Variants in OTULINL observed in about 807,000 individuals in gnomAD.
OTULINL encodes the protein OTU deubiquitinase with linear linkage specificity like.
A neutral mutation model predicts 43.9 loss-of-function variants in OTULINL; 42 were observed. The ratio of observed to expected loss-of-function variants is 0.96; its 90% CI spans 0.75 to 1.24. The LOEUF is 1.24. Ranked by LOEUF, OTULINL falls within the 50% of genes most tolerant of loss-of-function variation. The pLI, the probability that OTULINL is intolerant of heterozygous loss-of-function variation, is 0.00. For missense variants in OTULINL, 411 were observed against 426.4 expected, an observed-to-expected ratio of 0.96 and a Z score of 0.32; for synonymous variants, 172 against 153.6, an observed-to-expected ratio of 1.12 and a Z score of -0.88.
intron 1 of OTULINL, among the ~76,000 whole-genome samples, chr5:14,592,676 A>G (rs948905039): frequency 6.6e-6 from 1 of 152,214 alleles, no homozygotes; most frequent in Non-Finnish European, 1.5e-5. Context: ...AGCCCAAAGC[A>G]TTCTGCAATC....
intron 1 of OTULINL, among the ~76,000 whole-genome samples, chr5:14,597,597 A>G (rs1485398632): frequency 1.3e-5 from 2 of 152,354 alleles, no homozygotes; most frequent in South Asian, 2.1e-4. Flanking sequence ...TGGTGAAGTC[A>G]TACTCTTTCC....
At position 14,610,666 on chromosome 5, in the gene OTULINL, GAGAA is replaced by G. The variant is rs200306857; in HGVS notation, c.*357_*360del. 5.6e-3 allele frequency: 962 copies of G among 170,886 alleles called. 4 individuals carry two copies. Among genetic ancestry groups the G allele is most frequent in the African/African-American group, 0.021 (889 of 42,464 alleles). 10.6% of individuals were successfully genotyped at this position (170,886 alleles called of 1,614,324 possible). On this transcript the variant is annotated 3_prime_UTR_variant, in exon 8 of 8. Coordinates refer to ENST00000274217, the MANE Select transcript of OTULINL (RefSeq NM_019018.3). ...AGTAGGGAAAAACAGCTAACCTGGA[GAGAA>G]AGAATTTCTTTAACCTTTATGTTCT...
chr5:14,592,726 C>CAG (rs1164315036), intron 1 of OTULINL, among the ~76,000 whole-genome samples: 2 of 152,200 alleles, frequency 1.3e-5, no homozygotes, highest in African/African-American at 4.8e-5. Context: ...GAAGAGGAAT[C>CAG]AGACTGGTTC....
In OTULINL at chr5:14,602,200, T is replaced by G; in HGVS notation, c.366T>G (p.Phe122Leu). The G allele has an allele frequency of 6.2e-7, 1 of 1,607,402 alleles. No homozygotes were observed. The highest frequency in any genetic ancestry group is 8.5e-7 in the Non-Finnish European group (1 of 1,177,144). Residue 122 changes from phenylalanine to leucine, a missense_variant, in exon 5 of 8, where the codon TTT becomes TTG. Phe to Leu is a conservative substitution (Grantham distance 22). Transcript: ENST00000274217. Reference sequence around the variant, plus strand: ...TTTATTAGGCTTATGAGGAGCTATTTTGGCGGCATCACATTAAATGTGTTC... The same window carrying G: ...TTTATTAGGCTTATGAGGAGCTATTGTGGCGGCATCACATTAAATGTGTTC... ...KLMRKAYEEL[F>L]WRHHIKCVRQ...
At chr5:14,582,657 T>C (rs1257964669) in intron 1 of OTULINL, among the ~76,000 whole-genome samples, 1 of 151,316 alleles carries the variant, frequency 6.6e-6, no homozygotes, top group South Asian at 2.1e-4. Flanking sequence ...CTACTAAAAA[T>C]ACAAAAAATT....
intron 6 of OTULINL, 79 bp from the exon 7 acceptor site, chr5:14,608,669 A>G (rs752845571): frequency 5.5e-5 from 62 of 1,134,246 alleles, no homozygotes; most frequent in Non-Finnish European, 7.6e-5. Context: ...GGTTTATTTT[A>G]TAAATACATT....
At chr5:14,587,408 T>A (rs1759125701) in intron 1 of OTULINL, among the ~76,000 whole-genome samples, 2 of 152,224 alleles carry the variant, frequency 1.3e-5, no homozygotes, top group Admixed American at 6.5e-5. Flanking sequence ...AGTCACTGTC[T>A]AGATAGGAAG....
In OTULINL at chr5:14,614,821, G is replaced by C; in HGVS notation, c.*4507G>C. ...ATAATCCTAGCTGGTGTCTCGTTCT[G>C]TTTAAAAAAATCAAATTTCTGTATG... On this transcript the variant is annotated 3_prime_UTR_variant, in exon 8 of 8. Coordinates refer to ENST00000274217, the MANE Select transcript of OTULINL (RefSeq NM_019018.3). 2.5e-6 allele frequency: 1 copy of C among 398,308 alleles called. No individual in the cohort carries two copies. Among genetic ancestry groups the C allele is most frequent in the Non-Finnish European group, 4.4e-6 (1 of 226,002 alleles). The allele number at this position is 398,308 out of a possible 1,614,324, so 24.7% of individuals were successfully genotyped here. A position where few individuals can be genotyped will look rare whatever the true frequency, so the allele number is the denominator to read the frequency against.
Position 14,615,380 on chromosome 5 carries a change from C to T in OTULINL, c.*5066C>T, listed in dbSNP as rs1008460286. ...ATGTACCTGGACTTCCTTTGGGTGC[C>T]GGCTTTTCTGCTGGACTAAGATTCA... On this transcript the variant is annotated 3_prime_UTR_variant, in exon 8 of 8. Transcript: ENST00000274217. Among the ~76,000 whole-genome samples the T allele has an allele frequency of 3.0e-5, 3 of 101,568 alleles. No individual in the cohort carries two copies. The highest frequency in any genetic ancestry group is 4.2e-5 in the African/African-American group (1 of 23,714). 66.6% of individuals were successfully genotyped at this position (101,568 alleles called of 152,430 possible).
chr5:14,604,888 G>A (rs1386136207), intron 5 of OTULINL, among the ~76,000 whole-genome samples: 3 of 152,208 alleles, frequency 2.0e-5, no homozygotes, highest in Admixed American at 2.0e-4. Context: ...TCACAGGCTA[G>A]TGTCAAGTGC....
chr5:14,582,069 C>A, intron 1 of OTULINL, 111 bp downstream of exon 1: 1 of 783,896 alleles, frequency 1.3e-6, no homozygotes, highest in Non-Finnish European at 1.7e-6. Context: ...ACCTTCGCTG[C>A]CTGTTGGGGG....
intron 5 of OTULINL, among the ~76,000 whole-genome samples, chr5:14,605,106 G>T (rs1407278150): frequency 6.6e-6 from 1 of 152,196 alleles, no homozygotes; most frequent in Admixed American, 6.5e-5. Flanking sequence ...GCAAACTTCT[G>T]CCTGGACATC....
At chr5:14,582,683 C>T (rs1015064998) in intron 1 of OTULINL, among the ~76,000 whole-genome samples, 73 of 151,684 alleles carry the variant, frequency 4.8e-4, no homozygotes, top group African/African-American at 1.6e-3. Flanking sequence ...GGCATAGTGG[C>T]GAGTAGCTGT....
In OTULINL at chr5:14,601,282, G is replaced by A. The variant is rs779642185; in HGVS notation, c.256+38G>A. ...ATTCATTTATTTCTTTATTTTTAAG[G>A]TGCAGAGAGGGTTCAAGAAGGGAGA... On this transcript the variant is annotated intron_variant, in intron 3 of 7. Transcript: ENST00000274217. 2.1e-5 allele frequency: 33 copies of A among 1,609,686 alleles called. No individual in the cohort carries two copies. The South Asian group carries it at 3.6e-4, about 18-fold the overall frequency.
chr5:14,601,431 C>A lies in OTULINL; in HGVS notation c.337C>A (p.Leu113Met), dbSNP rs755600981. Residue 113 changes from leucine to methionine, a missense_variant, in exon 4 of 8, where the codon CTG becomes ATG. Coordinates refer to ENST00000274217, the MANE Select transcript of OTULINL (RefSeq NM_019018.3). ...GAAAGGAGAGACACCCCGTAACAAG[C>A]TGATGAGGAAGGTGTGTCTGTTTTT... Reference protein sequence around the residue: ...EWKGETPRNKLMRKAYEELFW... With the variant: ...EWKGETPRNKMMRKAYEELFW... The A allele has an allele frequency of 1.2e-6, 2 of 1,613,668 alleles. No individual in the cohort carries two copies. Among genetic ancestry groups the A allele is most frequent in the Admixed American group, 1.7e-5 (1 of 59,990 alleles).
chr5:14,603,020 T>A (rs1403729664), intron 5 of OTULINL, among the ~76,000 whole-genome samples: 1 of 152,232 alleles, frequency 6.6e-6, no homozygotes, highest in Non-Finnish European at 1.5e-5. Context: ...AAACCACTGA[T>A]CTATTTTCTG....
intron 1 of OTULINL, among the ~76,000 whole-genome samples, chr5:14,587,037 C>T (rs376646669): frequency 5.3e-5 from 8 of 152,170 alleles, no homozygotes; most frequent in African/African-American, 1.4e-4. Flanking sequence ...GGAAGCTCAT[C>T]GGAGCGTGTA....
Position 14,615,699 on chromosome 5 carries a change from G to C in OTULINL, c.*5385G>C, listed in dbSNP as rs954752866. ...ACATTAAAAGGAAGACTCAGCCCCAGAGTATATTTGATCTATTGGTTAACT... is the reference window on the plus strand; with the variant it reads ...ACATTAAAAGGAAGACTCAGCCCCACAGTATATTTGATCTATTGGTTAACT... On this transcript the variant is annotated 3_prime_UTR_variant, in exon 8 of 8. Coordinates refer to ENST00000274217, the MANE Select transcript of OTULINL (RefSeq NM_019018.3). Among the ~76,000 whole-genome samples, 1 of 152,212 alleles carries C rather than the reference G, an allele frequency of 6.6e-6. No individual in the cohort carries two copies. The highest frequency in any genetic ancestry group is 1.5e-5 in the Non-Finnish European group (1 of 68,040).
intron 6 of OTULINL, among the ~76,000 whole-genome samples, chr5:14,607,690 C>T (rs1403959552): frequency 6.6e-6 from 1 of 152,166 alleles, no homozygotes; most frequent in East Asian, 1.9e-4. Flanking sequence ...TCGGGGGCTT[C>T]TATGGGCCGG....
Sources: gnomAD v4.1 joint callset for allele counts (sites outside exome capture counted in the v4.1 genomes callset) on GRCh38, gnomAD v4.1.1 for gene constraint, MANE v1.5 for transcripts, NCBI Gene and HGNC (gene_info 2026-07-23, HGNC 2026-07-21) for gene names.